CCDC33: variants seen among roughly 807,000 people sequenced by gnomAD.
CCDC33 encodes coiled-coil domain containing 33.
Under a neutral mutation model 91.9 loss-of-function variants are expected in CCDC33, and 94 were observed. The observed-to-expected ratio is 1.02, with a 90% CI of 0.87 to 1.21. The LOEUF (loss-of-function observed/expected upper bound fraction) is 1.21, where lower values mean the gene tolerates loss of function less well. CCDC33 is among the 50% of genes most tolerant of loss of function. CCDC33 has a pLI of 0.00. For missense variants in CCDC33, 940 were observed against 935.5 expected (o/e 1.00, Z -0.06); for synonymous variants, 396 against 374.5 (o/e 1.06, Z -0.66).
At chr15:74,233,542 C>T (rs1374105002), upstream of CCDC33, among the ~76,000 whole-genome samples, 6 of 152,214 alleles carry the variant, frequency 3.9e-5, no homozygotes, top group African/African-American at 1.2e-4. Flanking sequence ...CCCTGTGCTT[C>T]CACAAGGGCT....
chr15:74,302,937 T>G (rs2059822971), intron 11 of CCDC33: 1 of 152,614 alleles, frequency 6.6e-6, no homozygotes, highest in Admixed American at 6.5e-5. Context: ...CACAGGCGGT[T>G]GGAGCAGATG....
At chr15:74,257,297 C>T (rs1253342114) in intron 2 of CCDC33, among the ~76,000 whole-genome samples, 1 of 152,230 alleles carries the variant, frequency 6.6e-6, no homozygotes, top group East Asian at 1.9e-4. Context: ...GACCAGCTGC[C>T]CTGCCGTCAG....
intron 7 of CCDC33, among the ~76,000 whole-genome samples, chr15:74,277,607 C>T (rs2076483872): frequency 6.6e-6 from 1 of 152,242 alleles, no homozygotes; most frequent in South Asian, 2.1e-4. Context: ...ACACATCAGC[C>T]ACAGTACCCT....
At chr15:74,319,850 C>T (rs1253455609) in intron 11 of CCDC33, among the ~76,000 whole-genome samples, 1 of 152,156 alleles carries the variant, frequency 6.6e-6, no homozygotes, top group Non-Finnish European at 1.5e-5. Flanking sequence ...CAAGGCCCTG[C>T]CACCCCTCCA....
In CCDC33 at chr15:74,335,957, G is replaced by A. The variant is rs540120503; in HGVS notation, c.2172G>A (p.Gln724=). ...SALTHSMDLK[Q]PSELEPLLPS... is the part of the protein sequence containing the mutation. ...TCACCCACTCCATGGACCTCAAGCA[G>A]CCCTCAGAGCTGGAGCCCCTGCTGC... The change falls in exon 19 of 19, where the codon CAG becomes CAA. Residue 724 remains glutamine (Q), a synonymous_variant. Coordinates refer to ENST00000398814, the MANE Select transcript of CCDC33 (RefSeq NM_025055.5). 5.0e-6 allele frequency: 8 copies of A among 1,613,750 alleles called. No individual in the cohort carries two copies. Among genetic ancestry groups the A allele is most frequent in the Non-Finnish European group, 6.8e-6 (8 of 1,179,998 alleles).
Position 74,262,529 on chromosome 15 carries a change from A to G in CCDC33, c.275A>G (p.Asp92Gly). 1 of 1,613,864 alleles carries G rather than the reference A, an allele frequency of 6.2e-7. No homozygotes were observed. Residue 92 changes from aspartate to glycine, a missense_variant, in exon 3 of 19, where the codon GAC becomes GGC. Transcript: ENST00000398814. The part of the protein sequence containing the change: ...SEPTRAPIWG[D>G]TVNVEIQAED... Reference sequence around the variant, plus strand: ...CCCACCAGAGCCCCTATCTGGGGGGACACGGTGAATGTGGAGATCCAAGCT... The same window carrying G: ...CCCACCAGAGCCCCTATCTGGGGGGGCACGGTGAATGTGGAGATCCAAGCT...
chr15:74,263,269 A>C (rs1270239242), intron 3 of CCDC33, among the ~76,000 whole-genome samples: 1 of 152,182 alleles, frequency 6.6e-6, no homozygotes, highest in Non-Finnish European at 1.5e-5. Context: ...TGATTGGCTG[A>C]TGCCCGGGTA....
chr15:74,253,538 C>G (rs376136583), intron 2 of CCDC33, among the ~76,000 whole-genome samples: 1 of 152,206 alleles, frequency 6.6e-6, no homozygotes, highest in South Asian at 2.1e-4. Flanking sequence ...CGTTCCCCCC[C>G]TCCTTCTCTG....
At chr15:74,224,654 TAA>T (rs2074729926) in intron 2 of CCDC33, among the ~76,000 whole-genome samples, 1 of 152,186 alleles carries the variant, frequency 6.6e-6, no homozygotes, top group Non-Finnish European at 1.5e-5. Context: ...GCAGGTTATA[TAA>T]CTTCCCTCAG....
At chr15:74,282,277 G>A (rs975955259) in intron 10 of CCDC33, among the ~76,000 whole-genome samples, 1 of 152,186 alleles carries the variant, frequency 6.6e-6, no homozygotes, top group African/African-American at 2.4e-5. Context: ...CCTTTCTGGG[G>A]ATTATGGGGA....
At chr15:74,335,207 G>A (rs749793621) in intron 18 of CCDC33, 119 bp downstream of exon 18, 1 of 828,054 alleles carries the variant, frequency 1.2e-6, no homozygotes, top group South Asian at 1.3e-5. Context: ...CAGGGCTGGG[G>A]GTCAGGAGTC....
chr15:74,248,857 T>G (rs2075617647), intron 2 of CCDC33, among the ~76,000 whole-genome samples: 1 of 152,002 alleles, frequency 6.6e-6, no homozygotes. Flanking sequence ...CAATATAGCT[T>G]CTCTGTAGTC....
At chr15:74,229,023 C>A (rs909388612) in intron 2 of CCDC33, among the ~76,000 whole-genome samples, 2 of 152,164 alleles carry the variant, frequency 1.3e-5, no homozygotes, top group African/African-American at 4.8e-5. Context: ...CTGGCGCATC[C>A]CGGCTGCAGA....
Position 74,218,731 on chromosome 15 carries a change from G to C in CCDC33, c.545G>C (p.Gly182Ala). Residue 182 changes from glycine to alanine, a missense_variant, in exon 2 of 3, where the codon GGG becomes GCG. Gly to Ala is a moderately conservative substitution (Grantham distance 60). Coordinates refer to the CCDC33 transcript ENST00000635913. This position sits in a 1 kb window ranked among gnomAD's most constrained non-coding sequence, Gnocchi z 4.8. ...ACGGACCCCACAGCCCGACACTGTG[G>C]GAGCCTGGCCTACAGTGTGGCCTTC... 2 of 1,289,850 alleles carry C rather than the reference G, an allele frequency of 1.6e-6. No homozygotes were observed. Among genetic ancestry groups the C allele is most frequent in the Non-Finnish European group, 2.0e-6 (2 of 988,878 alleles). The allele number at this position is 1,289,850 out of a possible 1,614,324, so 79.9% of individuals were successfully genotyped here. A position where few individuals can be genotyped will look rare whatever the true frequency, so the allele number is the denominator to read the frequency against.
intron 2 of CCDC33, among the ~76,000 whole-genome samples, chr15:74,210,963 A>G (rs1056744930): frequency 3.3e-5 from 5 of 152,202 alleles, no homozygotes; most frequent in African/African-American, 1.2e-4. Context: ...ATAGAGCAGT[A>G]AGTTACTGGC....
In CCDC33 at chr15:74,295,878, T is replaced by C; in HGVS notation, c.1220T>C (p.Met407Thr). 4 of 1,614,108 alleles carry C rather than the reference T, an allele frequency of 2.5e-6. No homozygotes were observed. In the African/African-American group the frequency reaches 4.0e-5, roughly 16 times the overall value. ...TCCAAGGACACAGTGAGCTCCACAA[T>C]GGACTTGAGCACGTCCACTCCACGA... ...SWSKDTVSSTMDLSTSTPREA... is the reference protein window; with the variant it reads ...SWSKDTVSSTTDLSTSTPREA... The change falls in exon 11 of 19, where the codon ATG becomes ACG. Residue 407 changes from methionine to threonine, a missense_variant. By Grantham distance (81) the Met-to-Thr change is moderately conservative (BLOSUM62 -1). Coordinates refer to ENST00000398814, the MANE Select transcript of CCDC33 (RefSeq NM_025055.5).
chr15:74,268,326 C>G lies in CCDC33; in HGVS notation c.430-16C>G. The G allele has an allele frequency of 1.3e-6, 2 of 1,594,558 alleles. No homozygotes were observed. Among genetic ancestry groups the G allele is most frequent in the Non-Finnish European group, 1.7e-6 (2 of 1,162,458 alleles). On this transcript the variant is annotated splice_polypyrimidine_tract_variant and intron_variant, in intron 4 of 18. Transcript: ENST00000398814. ...CTCTCCTTCCTCTGTGTCTTCTGCC[C>G]CAACCCTGTCTCCAGCCCACTGAGT...
At chr15:74,320,616 C>T (rs1028298182) in intron 11 of CCDC33, among the ~76,000 whole-genome samples, 3 of 152,130 alleles carry the variant, frequency 2.0e-5, no homozygotes, top group Admixed American at 1.3e-4. Flanking sequence ...AAGCTGGGGC[C>T]ACCCTGGGGT....
chr15:74,243,347 C>T (rs2075408027), intron 1 of CCDC33, among the ~76,000 whole-genome samples: 1 of 152,192 alleles, frequency 6.6e-6, no homozygotes, highest in South Asian at 2.1e-4. Flanking sequence ...AAGAAGGTGG[C>T]CCATTGTTAG....
Sources: allele counts gnomAD v4.1 joint callset (sites outside exome capture counted in the v4.1 genomes callset), GRCh38; gene constraint gnomAD v4.1.1; non-coding constraint Gnocchi (gnomAD v3.1); transcripts MANE v1.5; gene names NCBI Gene and HGNC (gene_info 2026-07-23, HGNC 2026-07-21).